Variants in DTNBP1 observed in about 807,000 individuals in gnomAD.
DTNBP1 encodes the protein dystrobrevin binding protein 1, also known as dysbindin.
In DTNBP1, 35 loss-of-function variants were observed where a neutral mutation model predicts 42.8. The ratio of observed to expected loss-of-function variants is 0.82; its 90% confidence interval spans 0.63 to 1.09. DTNBP1 has a LOEUF of 1.09. DTNBP1 is among the 50% of genes least tolerant of loss of function. DTNBP1 has a pLI of 0.00. For synonymous variants in DTNBP1, 171 were observed against 162.2 expected (o/e 1.05, Z -0.41); for missense variants, 457 against 424.2 (o/e 1.08, Z -0.68).
intron 7 of DTNBP1, among the ~76,000 whole-genome samples, chr6:15,537,385 C>T (rs1168403595): frequency 2.0e-5 from 3 of 151,372 alleles, no homozygotes; most frequent in African/African-American, 4.9e-5. Flanking sequence ...GCCAAGATCA[C>T]GCTACTGCAC....
intron 8 of DTNBP1, among the ~76,000 whole-genome samples, chr6:15,528,773 T>C (rs1772598970): frequency 6.6e-6 from 1 of 152,190 alleles, no homozygotes. Flanking sequence ...ATTCCTCTCC[T>C]AGTTATATAC....
At chr6:15,546,154 C>T (rs1773868839) in intron 7 of DTNBP1, 1 of 363,902 alleles carries the variant, frequency 2.7e-6, no homozygotes, top group African/African-American at 2.2e-5. Flanking sequence ...CAACCTCCGC[C>T]TCCAGGGTTC....
chr6:15,662,003 C>T (rs1370203484), intron 1 of DTNBP1, among the ~76,000 whole-genome samples: 1 of 152,174 alleles, frequency 6.6e-6, no homozygotes, highest in Non-Finnish European at 1.5e-5. Context: ...GCCAGAGTCT[C>T]GGCCTGTGGT....
intron 9 of DTNBP1, chr6:15,523,896 A>G: frequency 7.8e-7 from 1 of 1,287,284 alleles, no homozygotes; most frequent in South Asian, 1.2e-5. Flanking sequence ...AACCTTCTAC[A>G]GATGGCTGAG....
chr6:15,550,039 T>C (rs1169279505), intron 7 of DTNBP1, among the ~76,000 whole-genome samples: 1 of 152,212 alleles, frequency 6.6e-6, no homozygotes, highest in Non-Finnish European at 1.5e-5. Flanking sequence ...TGACTACTGA[T>C]ACCTGCAGCT....
intron 6 of DTNBP1, among the ~76,000 whole-genome samples, chr6:15,594,603 C>T (rs1407497936): frequency 6.6e-6 from 1 of 152,050 alleles, no homozygotes; most frequent in Non-Finnish European, 1.5e-5. Context: ...CTTTATACCC[C>T]GATAATAAAA....
intron 6 of DTNBP1, among the ~76,000 whole-genome samples, chr6:15,604,072 ACTCT>A (rs1056393099): frequency 2.6e-5 from 4 of 152,018 alleles, no homozygotes; most frequent in Non-Finnish European, 4.4e-5. Flanking sequence ...CACCCTGGAA[ACTCT>A]CTCTAGGCAG....
rs1776106647 is a variant in DTNBP1, at chr6:15,587,003, T to C, written c.511+6056A>G. Among the ~76,000 whole-genome samples, 1 of 152,184 alleles carries C rather than the reference T, an allele frequency of 6.6e-6. No homozygotes were observed. Among genetic ancestry groups the C allele is most frequent in the Non-Finnish European group, 1.5e-5 (1 of 68,040 alleles). On this transcript the variant is annotated intron_variant, in intron 7 of 9. Coordinates refer to ENST00000344537, the MANE Select transcript of DTNBP1 (RefSeq NM_032122.5). The surrounding 1 kb of genome is among the most constrained non-coding windows in gnomAD (Gnocchi z 4.1). Reference sequence around the variant, plus strand: ...ACTTTTTTTCATTCTGCCCTGTTGTTTGTGGGCAACGTCATCCAAACCCCG... The same window carrying C: ...ACTTTTTTTCATTCTGCCCTGTTGTCTGTGGGCAACGTCATCCAAACCCCG...
intron 1 of DTNBP1, among the ~76,000 whole-genome samples, chr6:15,657,168 C>T (rs996270910): frequency 6.6e-6 from 1 of 152,162 alleles, no homozygotes; most frequent in Non-Finnish European, 1.5e-5. Flanking sequence ...CATCCTAATG[C>T]CTTTATCCTA....
intron 4 of DTNBP1, among the ~76,000 whole-genome samples, chr6:15,633,476 A>C (rs1759810359): frequency 6.6e-6 from 1 of 152,218 alleles, no homozygotes; most frequent in Admixed American, 6.5e-5. Context: ...TGAGGGGTTC[A>C]AGGCTTCAGA....
intron 6 of DTNBP1, among the ~76,000 whole-genome samples, chr6:15,612,584 C>T (rs777052479): frequency 5.9e-5 from 9 of 152,248 alleles, no homozygotes; most frequent in South Asian, 2.1e-4. Flanking sequence ...AGTAATAATA[C>T]GAGTTAGTCA....
At chr6:15,623,421 A>G (rs1456861832) in intron 5 of DTNBP1, among the ~76,000 whole-genome samples, 2 of 152,162 alleles carry the variant, frequency 1.3e-5, no homozygotes, top group East Asian at 1.9e-4. Context: ...CAGTGGCTCA[A>G]TCCTGTAATG....
intron 6 of DTNBP1, among the ~76,000 whole-genome samples, chr6:15,600,981 G>A (rs536395198): frequency 2.0e-5 from 3 of 152,172 alleles, no homozygotes; most frequent in African/African-American, 2.4e-5. Context: ...AGAAGAGCAT[G>A]CCCAAGGAGG....
chr6:15,607,666 G>A (rs1018382), intron 6 of DTNBP1, among the ~76,000 whole-genome samples: 22,646 of 152,220 alleles, frequency 0.15, 2,433 homozygotes, highest in African/African-American at 0.3. Flanking sequence ...GCAAAGCTCC[G>A]TGGGCAAATG....
At chr6:15,550,643 A>C (rs1317054861) in intron 7 of DTNBP1, among the ~76,000 whole-genome samples, 1 of 152,238 alleles carries the variant, frequency 6.6e-6, no homozygotes. Context: ...ATGGGGACAT[A>C]TCACTTTCAA....
In DTNBP1 at chr6:15,523,116, C is replaced by T. The variant is rs140716378; in HGVS notation, c.915G>A (p.Ser305=). The T allele has an allele frequency of 1.2e-4, 192 of 1,614,134 alleles. 2 individuals carry two copies. The highest frequency in any genetic ancestry group is 8.9e-4 in the African/African-American group (67 of 75,014). Residue 305 remains serine, a synonymous_variant, in exon 10 of 10, where the codon TCG becomes TCA. Transcript: ENST00000344537. ...PPSSSSTCTD[S]ATRDISEGGE... ...CACCCTCACTGATGTCCCGGGTGGC[C>T]GAGTCGGTGCAGGTGGAGGAAGAAG... is the stretch of plus-strand genomic sequence containing the variant.
rs567889088 is a variant in DTNBP1, at chr6:15,593,408, T to A, written c.489-327A>T. Among the ~76,000 whole-genome samples, 11 of 152,354 alleles carry A rather than the reference T, an allele frequency of 7.2e-5. No individual in the cohort carries two copies. The East Asian group carries it at 1.9e-3, about 27-fold the overall frequency. On this transcript the variant is annotated intron_variant, in intron 6 of 9. Transcript: ENST00000344537. Reference sequence around the variant, plus strand: ...TCCCAGCTATGAACCATCTCATACATGTAAGAATCAGTTTATAAAAAGCAC... The same window carrying A: ...TCCCAGCTATGAACCATCTCATACAAGTAAGAATCAGTTTATAAAAAGCAC...
chr6:15,628,717 C>A (rs1387834790), intron 4 of DTNBP1, among the ~76,000 whole-genome samples: 1 of 152,036 alleles, frequency 6.6e-6, no homozygotes, highest in East Asian at 1.9e-4. Context: ...AGGATTAAGG[C>A]TCTTTAAGAG....
intron 7 of DTNBP1, among the ~76,000 whole-genome samples, chr6:15,554,894 A>G (rs1302795707): frequency 6.6e-6 from 1 of 151,952 alleles, no homozygotes; most frequent in African/African-American, 2.4e-5. Context: ...TCTTATGGGA[A>G]AAAATGCTGG....
Sources: gnomAD v4.1 joint callset for allele counts (sites outside exome capture counted in the v4.1 genomes callset) on GRCh38, gnomAD v4.1.1 for gene constraint, Gnocchi (gnomAD v3.1) non-coding constraint, MANE v1.5 for transcripts, NCBI Gene and HGNC (gene_info 2026-07-23, HGNC 2026-07-21) for gene names.